The following FAM227A variants were observed in gnomAD, a reference collection of about 807,000 sequenced individuals.
The protein encoded by FAM227A is family with sequence similarity 227 member A.
A neutral mutation model predicts 74.7 loss-of-function variants in FAM227A; 80 were observed. The observed-to-expected ratio is 1.07, with a 90% CI of 0.89 to 1.29. The LOEUF is 1.29. Ranked by LOEUF, FAM227A falls within the 50% of genes most tolerant of loss-of-function variation. The pLI is 0.00. For missense variants in FAM227A, 654 were observed against 683.4 expected, an observed-to-expected ratio of 0.96 and a Z score of 0.48; for synonymous variants, 237 against 241.8, an observed-to-expected ratio of 0.98 and a Z score of 0.19.
chr22:38,591,878 T>C (rs993247512), intron 15 of FAM227A, among the ~76,000 whole-genome samples: 15 of 152,186 alleles, frequency 9.9e-5, no homozygotes, highest in African/African-American at 3.6e-4. Context: ...GGCACCGCTT[T>C]TATCTGTAGA....
intron 1 of FAM227A, among the ~76,000 whole-genome samples, chr22:38,654,946 T>A (rs1380861512): frequency 2.7e-5 from 4 of 145,990 alleles, no homozygotes; most frequent in Non-Finnish European, 6.0e-5. Flanking sequence ...CGAGACTCCA[T>A]CTAAAATAAA....
Position 38,639,411 on chromosome 22 carries a change from A to G in FAM227A, c.295+244T>C, listed in dbSNP as rs536275401. On this transcript the variant is annotated intron_variant, in intron 4 of 16. Transcript: ENST00000535113. The stretch of plus-strand genomic sequence containing the variant: ...GAGACAGAGCGAGACTCCGTCTCGA[A>G]AAAAAAAAAAAAAAACCAAGGGAAT... Among the ~76,000 whole-genome samples, 906 of 125,572 alleles carry G rather than the reference A, an allele frequency of 7.2e-3. 4 individuals are homozygous for G. The highest frequency in any genetic ancestry group is 0.056 in the Middle Eastern group (13 of 234). The allele number at this position is 125,572 out of a possible 152,430, so 82.4% of individuals were successfully genotyped here.
chr22:38,645,377 G>A (rs538558769), intron 3 of FAM227A, among the ~76,000 whole-genome samples, 186 bp downstream of exon 3: 1 of 151,934 alleles, frequency 6.6e-6, no homozygotes, highest in African/African-American at 2.4e-5. Flanking sequence ...GCAACAAAGC[G>A]AGACTCCATC....
chr22:38,606,236 G>A (rs2091279644), intron 12 of FAM227A, among the ~76,000 whole-genome samples: 1 of 151,884 alleles, frequency 6.6e-6, no homozygotes, highest in Non-Finnish European at 1.5e-5. Context: ...GCTCAATCAT[G>A]ACTCACTGTA....
At chr22:38,621,364 G>GA (rs1332649999) in intron 10 of FAM227A, among the ~76,000 whole-genome samples, 31 of 116,116 alleles carry the variant, frequency 2.7e-4, no homozygotes, top group South Asian at 2.0e-3. Context: ...AAAAAAAAAA[G>GA]AAAGAAAAGA....
intron 11 of FAM227A, among the ~76,000 whole-genome samples, chr22:38,609,399 T>C (rs1349672376): frequency 1.3e-5 from 2 of 150,510 alleles, no homozygotes; most frequent in African/African-American, 5.0e-5. Context: ...CAACTCATAG[T>C]TGGCCGCAAG....
intron 12 of FAM227A, among the ~76,000 whole-genome samples, chr22:38,605,568 G>A (rs1255540185): frequency 3.9e-5 from 6 of 152,168 alleles, no homozygotes; most frequent in Non-Finnish European, 8.8e-5. Context: ...GAGATTACAG[G>A]CATGAGCCAC....
chr22:38,620,325 T>G, intron 10 of FAM227A, 34 bp from the exon 11 acceptor site: 1 of 1,472,612 alleles, frequency 6.8e-7, no homozygotes, highest in Non-Finnish European at 9.3e-7. Flanking sequence ...TTAATTCCTC[T>G]TGTCATGGGA....
intron 11 of FAM227A, among the ~76,000 whole-genome samples, chr22:38,612,038 C>A (rs566688850): frequency 6.6e-6 from 1 of 152,144 alleles, no homozygotes; most frequent in Non-Finnish European, 1.5e-5. Context: ...CCAAAGCCAA[C>A]CCACTAGCAA....
chr22:38,592,197 T>A (rs1198067623), intron 15 of FAM227A, among the ~76,000 whole-genome samples: 2 of 152,054 alleles, frequency 1.3e-5, no homozygotes, highest in Admixed American at 6.6e-5. Context: ...TCCGCCCACC[T>A]CGGCCTCCCC....
intron 11 of FAM227A, chr22:38,618,402 A>T (rs1307403995): frequency 6.6e-6 from 1 of 152,116 alleles, no homozygotes; most frequent in East Asian, 1.9e-4. Flanking sequence ...TTACCTTCCC[A>T]CAATTTACCA....
intron 11 of FAM227A, among the ~76,000 whole-genome samples, chr22:38,619,480 A>C (rs1458389369): frequency 2.0e-5 from 3 of 152,098 alleles, no homozygotes; most frequent in African/African-American, 4.8e-5. Flanking sequence ...CATGGCACCA[A>C]GCCTGGCTAA....
Position 38,580,356 on chromosome 22 carries a change from A to G in FAM227A, c.*5769T>C, listed in dbSNP as rs960427802. ...CTGGATTTTGCTGATTGCATCCCCT[A>G]GGTGTCATTTACCATTTGCCATGAT... is the stretch of plus-strand genomic sequence containing the variant. On this transcript the variant is annotated 3_prime_UTR_variant, in exon 17 of 17. Coordinates refer to ENST00000535113, the MANE Select transcript of FAM227A (RefSeq NM_001013647.2). The G allele has an allele frequency of 1.3e-5, 2 of 152,080 alleles. No individual in the cohort carries two copies. Among genetic ancestry groups the G allele is most frequent in the African/African-American group, 4.8e-5 (2 of 41,400 alleles). 9.4% of individuals were successfully genotyped at this position (152,080 alleles called of 1,614,324 possible). A position where few individuals can be genotyped will look rare whatever the true frequency, so the allele number is the denominator to read the frequency against.
chr22:38,602,969 G>A (rs2091208169), intron 13 of FAM227A, among the ~76,000 whole-genome samples: 1 of 152,164 alleles, frequency 6.6e-6, no homozygotes, highest in African/African-American at 2.4e-5. Flanking sequence ...CGCCTCCTGG[G>A]TTCAAGCAAT....
chr22:38,620,399 G>C (rs2091662471), intron 10 of FAM227A, 108 bp from the exon 11 acceptor site: 4 of 794,954 alleles, frequency 5.0e-6, no homozygotes, highest in Non-Finnish European at 6.2e-6. Context: ...ACACCCACCA[G>C]ATCTAGGGTC....
Position 38,578,227 on chromosome 22 carries a change from G to A in FAM227A, c.*7898C>T, listed in dbSNP as rs549371815. ...TTCACACCAACATCACCACAAACAC[G>A]TGACTAATGCGTTACGCTATGACAT... On this transcript the variant is annotated 3_prime_UTR_variant, in exon 17 of 17. Transcript: ENST00000535113. 2.6e-5 allele frequency: 4 copies of A among 152,110 alleles called. No homozygotes were observed. The highest frequency in any genetic ancestry group is 4.1e-4 in the South Asian group (2 of 4,824). 9.4% of individuals were successfully genotyped at this position (152,110 alleles called of 1,614,324 possible).
rs2092304518 is a variant in FAM227A at position 38,650,212 on chromosome 22, T to C, written c.-44A>G. 1 of 1,540,604 alleles carries C rather than the reference T, an allele frequency of 6.5e-7. No homozygotes were observed. The highest frequency in any genetic ancestry group is 2.4e-5 in the East Asian group (1 of 40,846). Reference sequence around the variant, plus strand: ...TGGACAAACAAAAAGCTTCCACTTTTAAGAGCCTCTCATTTCCCACTCCAA... The same window carrying C: ...TGGACAAACAAAAAGCTTCCACTTTCAAGAGCCTCTCATTTCCCACTCCAA... On this transcript the variant is annotated 5_prime_UTR_variant, in exon 2 of 17. It removes the in-frame stop codon of an upstream open reading frame in the 5' UTR. Transcript: ENST00000535113.
chr22:38,618,339 T>C (rs1429567091), intron 11 of FAM227A: 1 of 152,230 alleles, frequency 6.6e-6, no homozygotes. Context: ...TGAATCTGCA[T>C]ATAGAAATCT....
In FAM227A at chr22:38,592,225, G is replaced by A. The variant is rs371807984; in HGVS notation, c.1533-685C>T. ...GCCTCCCCAAGTGCTGGGATTACAG[G>A]CGTGAACCACTGCGCCCAGCAACAG... is the stretch of plus-strand genomic sequence containing the variant. On this transcript the variant is annotated intron_variant, in intron 15 of 16. Transcript: ENST00000535113. Among the ~76,000 whole-genome samples the A allele has an allele frequency of 5.0e-4, 76 of 152,150 alleles. No homozygotes were observed. The East Asian group carries it at 5.0e-3, about 10-fold the overall frequency.
Sources: gnomAD v4.1 joint callset for allele counts (sites outside exome capture counted in the v4.1 genomes callset) on GRCh38, gnomAD v4.1.1 for gene constraint, MANE v1.5 for transcripts, NCBI Gene and HGNC (gene_info 2026-07-23, HGNC 2026-07-21) for gene names.